SUZ12: variants seen among roughly 807,000 people sequenced by gnomAD.
SUZ12 encodes the protein SUZ12 polycomb repressive complex 2 subunit, also known as polycomb protein SUZ12.
SUZ12 carries 17 observed loss-of-function variants against 87.3 expected under a neutral mutation model. The observed-to-expected ratio is 0.19, with a 90% CI of 0.13 to 0.29. The LOEUF (loss-of-function observed/expected upper bound fraction) is 0.29, where lower values mean the gene tolerates loss of function less well. SUZ12 is among the 10% of genes least tolerant of loss of function. The pLI is 1.00. For missense variants in SUZ12, 526 were observed against 912.2 expected, an observed-to-expected ratio of 0.58 and a Z score of 5.45; for synonymous variants, 253 against 312.4, an observed-to-expected ratio of 0.81 and a Z score of 2.01.
intron 3 of SUZ12, among the ~76,000 whole-genome samples, chr17:31,945,085 GTA>G (rs1219448027): frequency 4.5e-5 from 6 of 132,398 alleles, no homozygotes; most frequent in Non-Finnish European, 9.7e-5. Flanking sequence ...AAAAAAAAAA[GTA>G]TGGGAATCAT....
chr17:31,992,926 C>CT (rs1909795152), intron 10 of SUZ12, among the ~76,000 whole-genome samples: 1 of 149,396 alleles, frequency 6.7e-6, no homozygotes, highest in African/African-American at 2.5e-5. Context: ...AGGCTGGTCT[C>CT]TAACTCCTGA....
At chr17:31,977,025 G>A (rs1908796617) in intron 8 of SUZ12, among the ~76,000 whole-genome samples, 1 of 152,214 alleles carries the variant, frequency 6.6e-6, no homozygotes, top group South Asian at 2.1e-4. Flanking sequence ...TACTGTTTTA[G>A]AGAGATATCC....
intron 4 of SUZ12, among the ~76,000 whole-genome samples, chr17:31,948,366 T>G (rs1485339757): frequency 6.6e-6 from 1 of 152,198 alleles, no homozygotes; most frequent in Non-Finnish European, 1.5e-5. Flanking sequence ...AAATTGAATA[T>G]TCTAAGGAGA....
At chr17:31,984,282 G>A (rs1216560818) in intron 9 of SUZ12, among the ~76,000 whole-genome samples, 1 of 152,096 alleles carries the variant, frequency 6.6e-6, no homozygotes, top group Admixed American at 6.6e-5. Flanking sequence ...TAAAGGTGGT[G>A]GTATAGCTAT....
intron 1 of SUZ12, among the ~76,000 whole-genome samples, chr17:31,938,887 C>G (rs564903151): frequency 2.6e-5 from 4 of 152,144 alleles, no homozygotes; most frequent in Admixed American, 6.6e-5. Context: ...AGAGCTAGAT[C>G]TGGTCATAAA....
At position 32,000,271 on chromosome 17, in the gene SUZ12, C is replaced by T. The variant is rs563425192; in HGVS notation, c.*1268C>T. 6 of 232,776 alleles carry T rather than the reference C, an allele frequency of 2.6e-5. No individual in the cohort carries two copies. The South Asian group carries it at 1.1e-3, about 42-fold the overall frequency. 14.4% of individuals were successfully genotyped at this position (232,776 alleles called of 1,614,324 possible). A position where few individuals can be genotyped will look rare whatever the true frequency, so the allele number is the denominator to read the frequency against. ...TATTTTTAATTTTAAAATTTCATTC[C>T]ACCACCATCAGATGCAGTTCCCTAT... On this transcript the variant is annotated 3_prime_UTR_variant, in exon 16 of 16. Transcript: ENST00000322652.
chr17:31,942,524 T>C (rs1433191383), intron 3 of SUZ12, among the ~76,000 whole-genome samples: 1 of 151,760 alleles, frequency 6.6e-6, no homozygotes, highest in African/African-American at 2.4e-5. Context: ...TTTCATGAAG[T>C]TGGGGTTTTA....
At chr17:31,975,432 T>C (rs1908686847) in intron 6 of SUZ12, 50 bp from the exon 7 acceptor site, 1 of 1,274,288 alleles carries the variant, frequency 7.8e-7, no homozygotes, top group Non-Finnish European at 1.1e-6. Context: ...ATTATAATTC[T>C]TATTGCTTAT....
intron 4 of SUZ12, among the ~76,000 whole-genome samples, chr17:31,951,075 C>T (rs1355466731): frequency 4.6e-5 from 7 of 152,092 alleles, no homozygotes; most frequent in Non-Finnish European, 8.8e-5. Flanking sequence ...CCACCGCGCC[C>T]GGCATATATT....
At chr17:31,952,443 A>G (rs978995691) in intron 4 of SUZ12, among the ~76,000 whole-genome samples, 1 of 152,036 alleles carries the variant, frequency 6.6e-6, no homozygotes, top group African/African-American at 2.4e-5. Flanking sequence ...TGAATTTTTC[A>G]TGGATTTTGA....
rs1416317264 is a variant in SUZ12, at chr17:31,962,264, T to C, written c.456-3883T>C. ...CAGCCTGGGCAACATAGCGAGACCC[T>C]GTCTCTAAAAGAAAAAAAAAATAAT... On this transcript the variant is annotated intron_variant, in intron 4 of 15. Transcript: ENST00000322652. Among the ~76,000 whole-genome samples the C allele has an allele frequency of 4.6e-5, 7 of 151,992 alleles. No individual in the cohort carries two copies. The East Asian group carries it at 9.6e-4, about 21-fold the overall frequency.
chr17:31,959,853 C>A (rs1045268861), intron 4 of SUZ12, among the ~76,000 whole-genome samples: 6 of 152,202 alleles, frequency 3.9e-5, no homozygotes, highest in Admixed American at 2.0e-4. Flanking sequence ...GATGTTTGTG[C>A]TTGGAATGCT....
At chr17:31,943,321 A>G (rs1906416841) in intron 3 of SUZ12, among the ~76,000 whole-genome samples, 1 of 152,232 alleles carries the variant, frequency 6.6e-6, no homozygotes, top group Non-Finnish European at 1.5e-5. Context: ...AATTGAGGAT[A>G]TTATGTAGGT....
intron 13 of SUZ12, among the ~76,000 whole-genome samples, chr17:31,995,176 G>T (rs1322622855): frequency 6.6e-6 from 1 of 151,722 alleles, no homozygotes; most frequent in Non-Finnish European, 1.5e-5. Context: ...TTTAAGGCAG[G>T]TGTATGCATA....
chr17:31,993,227 AGT>A lies in SUZ12; in HGVS notation c.1202-12_1202-11del, dbSNP rs1471354779. 6.6e-6 allele frequency: 10 copies of A among 1,518,602 alleles called. No individual in the cohort carries two copies. The highest frequency in any genetic ancestry group is 8.0e-6 in the Non-Finnish European group (9 of 1,125,692). The allele number at this position is 1,518,602 out of a possible 1,614,324, so 94.1% of individuals were successfully genotyped here. A position where few individuals can be genotyped will look rare whatever the true frequency, so the allele number is the denominator to read the frequency against. ...AAGCAATGTTTTTATTGAATATAAA[AGT>A]GTATGTTTTCAGCTGTTAAAGAATC... On this transcript the variant is annotated splice_polypyrimidine_tract_variant and intron_variant, in intron 10 of 15. Transcript: ENST00000322652.
chr17:31,999,826 A>T lies in SUZ12; in HGVS notation c.*823A>T, dbSNP rs951704419. ...AATCACACGGAAAATTAAGCTGTTC[A>T]TATCTTTAAATTAGGATTGCAAACC... On this transcript the variant is annotated 3_prime_UTR_variant, in exon 16 of 16. Transcript: ENST00000322652. 1 of 232,120 alleles carries T rather than the reference A, an allele frequency of 4.3e-6. No homozygotes were observed. The highest frequency in any genetic ancestry group is 6.1e-5 in the East Asian group (1 of 16,402). The allele number at this position is 232,120 out of a possible 1,614,324, so 14.4% of individuals were successfully genotyped here.
intron 12 of SUZ12, 196 bp downstream of exon 12, chr17:31,994,204 A>G (rs1013033655): frequency 1.9e-6 from 1 of 525,620 alleles, no homozygotes; most frequent in African/African-American, 1.9e-5. Flanking sequence ...ATTGCCGTAT[A>G]TATGGATTAC....
intron 4 of SUZ12, among the ~76,000 whole-genome samples, 157 bp downstream of exon 4, chr17:31,947,842 C>G (rs976512406): frequency 3.9e-5 from 6 of 152,102 alleles, no homozygotes; most frequent in Admixed American, 1.3e-4. Context: ...AAATTAATTT[C>G]TGTAGCATTC....
At chr17:31,967,229 C>A (rs557838820) in intron 5 of SUZ12, 1 of 150,084 alleles carries the variant, frequency 6.7e-6, no homozygotes, top group Non-Finnish European at 1.5e-5. Context: ...AATCACTTAT[C>A]AGCTTATCCA....
Sources: gnomAD v4.1 joint callset for allele counts (sites outside exome capture counted in the v4.1 genomes callset) on GRCh38, gnomAD v4.1.1 for gene constraint, MANE v1.5 for transcripts, NCBI Gene and HGNC (gene_info 2026-07-23, HGNC 2026-07-21) for gene names.